The following SH2D4A variants were observed in gnomAD, a reference collection of about 807,000 sequenced individuals.
SH2D4A encodes the protein SH2 domain-containing protein 4A.
SH2D4A carries 70 observed loss-of-function variants against 64.7 expected under a neutral mutation model. The ratio of observed to expected loss-of-function variants is 1.08; its 90% CI spans 0.89 to 1.32. The LOEUF is 1.32. Ranked by LOEUF, SH2D4A falls within the 40% of genes most tolerant of loss-of-function variation. SH2D4A has a pLI of 0.00. For missense variants in SH2D4A, 706 were observed against 540.1 expected (o/e 1.31, Z -3.04); for synonymous variants, 268 against 200.7 (o/e 1.34, Z -2.83).
intron 4 of SH2D4A, among the ~76,000 whole-genome samples, chr8:19,340,823 C>T (rs534772776): frequency 6.6e-6 from 1 of 151,990 alleles, no homozygotes; most frequent in Admixed American, 6.6e-5. Context: ...GTCTTGAACT[C>T]CTGGGCTCGA....
intron 2 of SH2D4A, among the ~76,000 whole-genome samples, chr8:19,329,764 A>T (rs1343944548): frequency 4.0e-5 from 6 of 151,574 alleles, no homozygotes; most frequent in African/African-American, 1.5e-4. Context: ...CATCTTTCTT[A>T]CTCTCCCTTT....
At chr8:19,377,211 G>A (rs933669300) in intron 8 of SH2D4A, among the ~76,000 whole-genome samples, 3 of 152,116 alleles carry the variant, frequency 2.0e-5, no homozygotes, top group Non-Finnish European at 4.4e-5. Context: ...TCAAGACCCC[G>A]TCTCTATTAA....
intron 6 of SH2D4A, 36 bp from the exon 7 acceptor site, chr8:19,364,036 T>C (rs1454485961): frequency 9.3e-6 from 15 of 1,605,042 alleles, no homozygotes; most frequent in South Asian, 1.1e-5. Flanking sequence ...CTCTGTGGGC[T>C]GATGAGGGTT....
intron 7 of SH2D4A, among the ~76,000 whole-genome samples, chr8:19,369,915 A>G (rs374150917): frequency 1.3e-5 from 2 of 152,086 alleles, no homozygotes; most frequent in South Asian, 4.1e-4. Context: ...TACTTATTTG[A>G]TATCTTTCTA....
intron 9 of SH2D4A, 113 bp downstream of exon 9, chr8:19,393,654 G>A (rs956811365): frequency 3.1e-6 from 3 of 960,930 alleles, no homozygotes; most frequent in East Asian, 2.6e-5. Flanking sequence ...GGAGGGGACA[G>A]GGGTGGGGGC....
chr8:19,341,862 G>C (rs1265190496), intron 4 of SH2D4A, among the ~76,000 whole-genome samples: 1 of 133,062 alleles, frequency 7.5e-6, no homozygotes. Context: ...AAAAAAAAAA[G>C]ATCATCACGA....
At chr8:19,332,361 C>G (rs924914260) in intron 2 of SH2D4A, among the ~76,000 whole-genome samples, 1 of 152,078 alleles carries the variant, frequency 6.6e-6, no homozygotes, top group Non-Finnish European at 1.5e-5. Flanking sequence ...TGCAGCCAGG[C>G]GCAGTGACTC....
intron 8 of SH2D4A, among the ~76,000 whole-genome samples, 183 bp from the exon 9 acceptor site, chr8:19,393,135 G>A (rs558449846): frequency 2.0e-5 from 3 of 152,272 alleles, no homozygotes; most frequent in South Asian, 4.1e-4. Context: ...ACCTGTTCAT[G>A]TCTAATTAGC....
At chr8:19,365,069 A>C (rs751809830) in intron 7 of SH2D4A, among the ~76,000 whole-genome samples, 62 of 152,230 alleles carry the variant, frequency 4.1e-4, no homozygotes, top group Non-Finnish European at 7.9e-4. Context: ...GAATTGTCTA[A>C]AGCCTTGCAT....
chr8:19,387,481 C>T (rs1016873235), intron 8 of SH2D4A, among the ~76,000 whole-genome samples: 3 of 152,244 alleles, frequency 2.0e-5, no homozygotes, highest in African/African-American at 7.2e-5. Flanking sequence ...CTCAAGTGAT[C>T]CTCCCGCGTC....
chr8:19,368,892 G>A (rs2153649428), intron 7 of SH2D4A, among the ~76,000 whole-genome samples: 1 of 152,180 alleles, frequency 6.6e-6, no homozygotes, highest in South Asian at 2.1e-4. Context: ...GATGAAAGTG[G>A]ACATTCTTGT....
intron 1 of SH2D4A, among the ~76,000 whole-genome samples, chr8:19,314,962 G>T (rs1315037752): frequency 1.3e-5 from 2 of 152,156 alleles, no homozygotes; most frequent in African/African-American, 2.4e-5. Flanking sequence ...TGTTTTAAAA[G>T]AATTAGAATT....
intron 7 of SH2D4A, among the ~76,000 whole-genome samples, chr8:19,372,262 G>A (rs2053114723): frequency 2.0e-5 from 3 of 152,124 alleles, no homozygotes; most frequent in African/African-American, 7.2e-5. Context: ...GCACTAGAGG[G>A]CGCTCCAAGT....
Position 19,332,718 on chromosome 8 carries a change from G to A in SH2D4A, c.182-237G>A, listed in dbSNP as rs571239455. 5.5e-5 allele frequency among the ~76,000 whole-genome samples: 8 copies of A among 145,654 alleles called. No homozygotes were observed. The South Asian group carries it at 1.5e-3, about 28-fold the overall frequency. On this transcript the variant is annotated intron_variant, in intron 2 of 9. Coordinates refer to ENST00000265807, the MANE Select transcript of SH2D4A (RefSeq NM_022071.4). The stretch of plus-strand genomic sequence containing the variant: ...AAAAAAAAAAAAAAAAAAAAAGCAC[G>A]GGCAAAAAACATACCCCTAATATTT...
chr8:19,335,573 G>A (rs1001108917), intron 4 of SH2D4A, among the ~76,000 whole-genome samples: 2 of 152,182 alleles, frequency 1.3e-5, no homozygotes, highest in Non-Finnish European at 2.9e-5. Context: ...ATACACAAAT[G>A]AATGAGCATG....
chr8:19,362,000 G>T (rs967455233), intron 6 of SH2D4A, among the ~76,000 whole-genome samples: 1 of 152,174 alleles, frequency 6.6e-6, no homozygotes, highest in African/African-American at 2.4e-5. Context: ...GCAGAGGAGA[G>T]GATGCTCCAG....
chr8:19,327,893 A>G (rs2052306664), intron 2 of SH2D4A, among the ~76,000 whole-genome samples: 1 of 152,134 alleles, frequency 6.6e-6, no homozygotes. Flanking sequence ...GCGTCCCCAG[A>G]ATGAGTCTCT....
Position 19,334,925 on chromosome 8 carries a change from G to A in SH2D4A, c.513+68G>A, listed in dbSNP as rs961919604. ...GGGAGAAAAAGCTATTGAGGCCACA[G>A]AGACTACTGTGGCTGAGTGTCAGGA... On this transcript the variant is annotated intron_variant, in intron 4 of 9. Transcript: ENST00000265807. 17 of 1,506,224 alleles carry A rather than the reference G, an allele frequency of 1.1e-5. No individual in the cohort carries two copies. In the Admixed American group the frequency reaches 1.6e-4, roughly 14 times the overall value. 93.3% of individuals were successfully genotyped at this position (1,506,224 alleles called of 1,614,324 possible).
chr8:19,373,487 C>T, intron 7 of SH2D4A, 43 bp from the exon 8 acceptor site: 5 of 1,455,838 alleles, frequency 3.4e-6, no homozygotes, highest in Admixed American at 2.2e-5. Context: ...GCATTATTTT[C>T]AAATTAGTTA....
Sources: gnomAD v4.1 joint callset for allele counts (sites outside exome capture counted in the v4.1 genomes callset) on GRCh38, gnomAD v4.1.1 for gene constraint, MANE v1.5 for transcripts, NCBI Gene and HGNC (gene_info 2026-07-23, HGNC 2026-07-21) for gene names.